The following CDC14B variants were observed in gnomAD, a reference collection of about 807,000 sequenced individuals.
CDC14B encodes the protein dual specificity protein phosphatase CDC14B.
In CDC14B, 22 loss-of-function variants were observed where a neutral mutation model predicts 64.2. The observed-to-expected ratio is 0.34, with a 90% CI of 0.24 to 0.49. The LOEUF is 0.49. Among genes scored for constraint, CDC14B ranks in the 20% least tolerant of loss-of-function variants. The pLI, the probability that CDC14B is intolerant of heterozygous loss-of-function variation, is 0.99. For missense variants in CDC14B, 498 were observed against 629.9 expected, an observed-to-expected ratio of 0.79 and a Z score of 2.24; for synonymous variants, 191 against 215.8, an observed-to-expected ratio of 0.89 and a Z score of 1.01.
intron 4 of CDC14B, among the ~76,000 whole-genome samples, chr9:96,552,263 G>A (rs1841930426): frequency 1.3e-5 from 2 of 152,164 alleles, no homozygotes; most frequent in Admixed American, 1.3e-4. Context: ...ACTGGGGTGA[G>A]GTGGAAAGAG....
chr9:96,603,327 A>G (rs1302452368), intron 1 of CDC14B, among the ~76,000 whole-genome samples: 2 of 152,188 alleles, frequency 1.3e-5, no homozygotes, highest in Non-Finnish European at 2.9e-5. Flanking sequence ...ACCTACATGC[A>G]TATATTACCT....
chr9:96,603,056 G>A (rs766221934), intron 1 of CDC14B, among the ~76,000 whole-genome samples: 1 of 151,438 alleles, frequency 6.6e-6, no homozygotes, highest in Non-Finnish European at 1.5e-5. Flanking sequence ...ATCTCCCTTT[G>A]TTCCAATTCT....
intron 9 of CDC14B, among the ~76,000 whole-genome samples, chr9:96,524,885 A>G (rs1434766781): frequency 6.6e-6 from 1 of 152,166 alleles, no homozygotes. Context: ...TTTTCTGGAG[A>G]ACCCTAAATA....
rs533520066 is a variant in CDC14B, at chr9:96,595,437, C to T, written c.160+23782G>A. ...TACAGTTGGAGTCAGCAGAGAAAGA[C>T]GCTACAAGTTACTATAACTCCATTC... On this transcript the variant is annotated intron_variant, in intron 1 of 13. Coordinates refer to ENST00000375241, the MANE Select transcript of CDC14B (RefSeq NM_033331.4). Among the ~76,000 whole-genome samples the T allele has an allele frequency of 1.1e-4, 17 of 152,246 alleles. 1 individual carries two copies. Among genetic ancestry groups the T allele is most frequent in the Middle Eastern group, 6.8e-3 (2 of 294 alleles).
chr9:96,521,635 T>C (rs745948453), intron 12 of CDC14B, among the ~76,000 whole-genome samples: 4 of 152,180 alleles, frequency 2.6e-5, no homozygotes, highest in Non-Finnish European at 5.9e-5. Context: ...TTACTTTTAA[T>C]TGAAAAGAAA....
chr9:96,604,466 C>T (rs934537689), intron 1 of CDC14B, among the ~76,000 whole-genome samples: 14 of 150,924 alleles, frequency 9.3e-5, no homozygotes, highest in African/African-American at 2.9e-4. Flanking sequence ...CCACAACCTC[C>T]GCCTCCCGGG....
chr9:96,522,183 T>C (rs1836838348), intron 12 of CDC14B, among the ~76,000 whole-genome samples: 1 of 152,216 alleles, frequency 6.6e-6, no homozygotes. Flanking sequence ...TACACCACTT[T>C]AGTAACTATG....
intron 1 of CDC14B, among the ~76,000 whole-genome samples, chr9:96,583,999 T>C (rs1845325595): frequency 6.6e-6 from 1 of 152,116 alleles, no homozygotes; most frequent in African/African-American, 2.4e-5. Context: ...ATTACAGGCA[T>C]GAGCCACCGC....
At chr9:96,497,688 T>C (rs1380434461), downstream of CDC14B, among the ~76,000 whole-genome samples, 1 of 152,210 alleles carries the variant, frequency 6.6e-6, no homozygotes, top group Non-Finnish European at 1.5e-5. Context: ...TTATTTTTTT[T>C]ACTAGGCAAA....
Position 96,502,065 on chromosome 9 carries a change from C to T in CDC14B, c.*1688G>A, listed in dbSNP as rs994536256. 6.6e-6 allele frequency: 1 copy of T among 152,164 alleles called. No individual in the cohort carries two copies. Among genetic ancestry groups the T allele is most frequent in the African/African-American group, 2.4e-5 (1 of 41,424 alleles). 9.4% of individuals were successfully genotyped at this position (152,164 alleles called of 1,614,324 possible). A position where few individuals can be genotyped will look rare whatever the true frequency, so the allele number is the denominator to read the frequency against. On this transcript the variant is annotated 3_prime_UTR_variant, in exon 14 of 14. Coordinates refer to ENST00000375241, the MANE Select transcript of CDC14B (RefSeq NM_033331.4). ...GCAAAAGGAATGTTCCTCCTCCCACCCAAATCTTATTGAAGAGTAGTCTGC... is the reference window on the plus strand; with the variant it reads ...GCAAAAGGAATGTTCCTCCTCCCACTCAAATCTTATTGAAGAGTAGTCTGC...
intron 12 of CDC14B, among the ~76,000 whole-genome samples, chr9:96,510,892 G>A (rs1834820578): frequency 6.6e-6 from 1 of 152,152 alleles, no homozygotes; most frequent in Admixed American, 6.5e-5. Flanking sequence ...ACAGGTGTGA[G>A]CCACCACACC....
intron 12 of CDC14B, among the ~76,000 whole-genome samples, chr9:96,514,132 G>C (rs539016039): frequency 6.6e-6 from 1 of 152,062 alleles, no homozygotes; most frequent in African/African-American, 2.4e-5. Context: ...AATGGCAAAC[G>C]TCATTACCAA....
chr9:96,580,554 A>C (rs1331563449), intron 1 of CDC14B, among the ~76,000 whole-genome samples: 2 of 152,200 alleles, frequency 1.3e-5, no homozygotes, highest in African/African-American at 4.8e-5. Flanking sequence ...TATACAAAGA[A>C]GGTGGACTGT....
chr9:96,565,535 C>T (rs773959554), intron 1 of CDC14B, 52 bp from the exon 2 acceptor site: 9 of 1,154,720 alleles, frequency 7.8e-6, no homozygotes, highest in Non-Finnish European at 1.2e-5. Flanking sequence ...AAAAACGTTT[C>T]ATATATCATG....
At chr9:96,597,119 G>A (rs1349695557) in intron 1 of CDC14B, among the ~76,000 whole-genome samples, 1 of 152,018 alleles carries the variant, frequency 6.6e-6, no homozygotes, top group Non-Finnish European at 1.5e-5. Context: ...AATCTTAAAA[G>A]CAGCCAGAGA....
In CDC14B at chr9:96,513,961, G is replaced by C. The variant is rs138628095; in HGVS notation, c.1344-4172C>G. Among the ~76,000 whole-genome samples the C allele has an allele frequency of 2.3e-4, 35 of 152,338 alleles. No homozygotes were observed. The East Asian group carries it at 3.3e-3, about 14-fold the overall frequency. The stretch of plus-strand genomic sequence containing the variant: ...TGACAGAGGATGGTGGAGCTCAGGA[G>C]TCACCACCTTACAAATAAAACCCTT... On this transcript the variant is annotated intron_variant, in intron 12 of 13. Transcript: ENST00000375241.
At chr9:96,611,786 T>C (rs7858297) in intron 1 of CDC14B, among the ~76,000 whole-genome samples, 22,594 of 152,198 alleles carry the variant, frequency 0.15, 5,621 homozygotes, top group African/African-American at 0.51. Context: ...TATGCACCAT[T>C]AGTTTCAAAT....
chr9:96,614,608 G>A (rs1360789027), intron 1 of CDC14B, among the ~76,000 whole-genome samples: 2 of 151,696 alleles, frequency 1.3e-5, no homozygotes, highest in African/African-American at 4.8e-5. Flanking sequence ...TTTTTTTCCT[G>A]AGGAAAGGAG....
At chr9:96,575,231 C>T (rs975871040) in intron 1 of CDC14B, among the ~76,000 whole-genome samples, 4 of 152,240 alleles carry the variant, frequency 2.6e-5, no homozygotes, top group South Asian at 2.1e-4. Flanking sequence ...TGTGGTTGTC[C>T]GATGTGCCAG....
Sources: gnomAD v4.1 joint callset for allele counts (sites outside exome capture counted in the v4.1 genomes callset) on GRCh38, gnomAD v4.1.1 for gene constraint, MANE v1.5 for transcripts, NCBI Gene and HGNC (gene_info 2026-07-23, HGNC 2026-07-21) for gene names.